The following TCF12 variants were observed in gnomAD, a reference collection of about 807,000 sequenced individuals.
TCF12 encodes transcription factor 12.
Under a neutral mutation model 86.0 loss-of-function variants are expected in TCF12, and 45 were observed. The ratio of observed to expected loss-of-function variants is 0.52; its 90% confidence interval spans 0.41 to 0.67. TCF12 has a LOEUF of 0.67. Among genes scored for constraint, TCF12 ranks in the 30% least tolerant of loss-of-function variants. TCF12 has a pLI of 0.00. For missense variants in TCF12, 881 were observed against 859.9 expected, an observed-to-expected ratio of 1.02 and a Z score of -0.31; for synonymous variants, 330 against 299.6, an observed-to-expected ratio of 1.10 and a Z score of -1.05.
At chr15:57,270,175 C>G (rs1200581201) in intron 18 of TCF12, among the ~76,000 whole-genome samples, 1 of 152,158 alleles carries the variant, frequency 6.6e-6, no homozygotes, top group Non-Finnish European at 1.5e-5. Flanking sequence ...TCCATTCTCC[C>G]CATCACTTTC....
chr15:57,084,556 A>G (rs1027317773), intron 4 of TCF12, among the ~76,000 whole-genome samples: 7 of 152,324 alleles, frequency 4.6e-5, no homozygotes, highest in Middle Eastern at 3.4e-3. Flanking sequence ...CACTAGGCCT[A>G]AAACTCTGCC....
chr15:57,046,470 TCTCA>T (rs758339019), intron 3 of TCF12, among the ~76,000 whole-genome samples: 9 of 152,238 alleles, frequency 5.9e-5, no homozygotes, highest in Non-Finnish European at 1.3e-4. Flanking sequence ...TGAGATGGAG[TCTCA>T]CTCTGTTGCC....
At chr15:57,075,790 CTTTCTTTCTT>C (rs1336242124) in intron 4 of TCF12, among the ~76,000 whole-genome samples, 91 of 58,246 alleles carry the variant, frequency 1.6e-3, no homozygotes, top group African/African-American at 5.1e-3. Context: ...TTCTTTCTTT[CTTTCTTTCTT>C]TCTTTCTCTC....
At chr15:57,159,271 A>AT (rs2054331563) in intron 5 of TCF12, among the ~76,000 whole-genome samples, 1 of 152,248 alleles carries the variant, frequency 6.6e-6, no homozygotes. Flanking sequence ...CGAATCCAGT[A>AT]ATCAGAATTC....
chr15:56,918,659 G>A lies in TCF12; in HGVS notation c.-270G>A, dbSNP rs988634406. ...ATCCGGAGGCGAGCCGAGCGCGGTG[G>A]TGAGGCCGCCTCAGCGAAAAAAATG... On this transcript the variant is annotated 5_prime_UTR_variant, in exon 1 of 21. The change creates a new upstream start codon in the 5' untranslated region. Transcript: ENST00000333725. The A allele has an allele frequency of 1.6e-5, 3 of 189,564 alleles. No individual in the cohort carries two copies. In the South Asian group the frequency reaches 2.3e-4, roughly 15 times the overall value. The allele number at this position is 189,564 out of a possible 1,614,324, so 11.7% of individuals were successfully genotyped here. A position where few individuals can be genotyped will look rare whatever the true frequency, so the allele number is the denominator to read the frequency against.
chr15:57,087,054 TC>T (rs2048687852), intron 4 of TCF12, among the ~76,000 whole-genome samples: 1 of 147,316 alleles, frequency 6.8e-6, no homozygotes, highest in Admixed American at 7.6e-5. Flanking sequence ...TCCCTCTGTC[TC>T]CCTCTGTCTC....
chr15:56,935,257 T>A (rs1289694220), intron 3 of TCF12, among the ~76,000 whole-genome samples: 1 of 152,130 alleles, frequency 6.6e-6, no homozygotes, highest in East Asian at 1.9e-4. Flanking sequence ...TGGGCTGCCA[T>A]AACAAAATAC....
chr15:57,208,489 C>G (rs112973138), intron 8 of TCF12, among the ~76,000 whole-genome samples: 2 of 134,986 alleles, frequency 1.5e-5, no homozygotes, highest in African/African-American at 2.7e-5. Flanking sequence ...CTCAAGTGAT[C>G]CTCACACCTC....
chr15:57,005,494 A>T (rs890585130), intron 3 of TCF12, among the ~76,000 whole-genome samples: 3 of 152,220 alleles, frequency 2.0e-5, no homozygotes, highest in African/African-American at 7.2e-5. Flanking sequence ...AGCAAAACAG[A>T]ATGAACCTGT....
At chr15:57,038,365 T>C (rs2066651799) in intron 3 of TCF12, among the ~76,000 whole-genome samples, 1 of 150,514 alleles carries the variant, frequency 6.6e-6, no homozygotes, top group South Asian at 2.1e-4. Context: ...GAGTTGGAGG[T>C]TGCAGTGAGC....
chr15:56,950,667 G>T (rs1238333349), intron 3 of TCF12, among the ~76,000 whole-genome samples: 6 of 132,924 alleles, frequency 4.5e-5, no homozygotes, highest in Admixed American at 3.1e-4. Context: ...ATCACAATTT[G>T]TTTATTTCCT....
chr15:56,939,191 TA>T (rs1319237560), intron 3 of TCF12, among the ~76,000 whole-genome samples: 1 of 152,144 alleles, frequency 6.6e-6, no homozygotes, highest in African/African-American at 2.4e-5. Context: ...TTCCATTAAA[TA>T]AAACTGTCTT....
intron 6 of TCF12, among the ~76,000 whole-genome samples, chr15:57,169,908 G>T (rs2055185102): frequency 6.6e-6 from 1 of 152,124 alleles, no homozygotes; most frequent in African/African-American, 2.4e-5. Context: ...TTTTTACCAA[G>T]GATTAATGTG....
chr15:57,009,638 A>G (rs1393046010), intron 3 of TCF12, among the ~76,000 whole-genome samples: 3 of 152,206 alleles, frequency 2.0e-5, no homozygotes, highest in East Asian at 1.9e-4. Flanking sequence ...CTTTACAGCA[A>G]GGGAGTTGGA....
chr15:57,078,503 C>T (rs983090082), intron 4 of TCF12, among the ~76,000 whole-genome samples: 12 of 152,278 alleles, frequency 7.9e-5, no homozygotes, highest in Admixed American at 6.5e-4. Flanking sequence ...TGACTGTAAG[C>T]TCCTTGAAGG....
intron 3 of TCF12, among the ~76,000 whole-genome samples, chr15:56,955,839 CTG>C (rs1293435400): frequency 6.6e-6 from 1 of 152,226 alleles, no homozygotes; most frequent in African/African-American, 2.4e-5. Flanking sequence ...AAATTGTAAT[CTG>C]TAATGTGAAT....
chr15:57,122,098 CAAAAAA>C (rs1159877371), intron 5 of TCF12, among the ~76,000 whole-genome samples: 54 of 99,132 alleles, frequency 5.4e-4, no homozygotes, highest in Admixed American at 1.2e-3. Flanking sequence ...TTTCCTTGTA[CAAAAAA>C]AAAAAAAAAA....
intron 3 of TCF12, among the ~76,000 whole-genome samples, chr15:56,951,633 G>GT (rs1242262873): frequency 6.6e-6 from 1 of 152,060 alleles, no homozygotes; most frequent in East Asian, 1.9e-4. Context: ...GGTCACAAAT[G>GT]TTTTTTCTTA....
intron 3 of TCF12, among the ~76,000 whole-genome samples, chr15:56,921,418 T>G (rs2059786469): frequency 6.8e-6 from 1 of 147,818 alleles, no homozygotes; most frequent in Non-Finnish European, 1.5e-5. Flanking sequence ...TACATTATGA[T>G]AATGTTTAGA....
Sources: gnomAD v4.1 joint callset for allele counts (sites outside exome capture counted in the v4.1 genomes callset) on GRCh38, gnomAD v4.1.1 for gene constraint, MANE v1.5 for transcripts, NCBI Gene and HGNC (gene_info 2026-07-23, HGNC 2026-07-21) for gene names.